Variants in MLLT10 observed in about 807,000 individuals in gnomAD.
MLLT10 encodes MLLT10 histone lysine methyltransferase DOT1L cofactor.
Under a neutral mutation model 129.1 loss-of-function variants are expected in MLLT10, and 30 were observed. The observed-to-expected ratio is 0.23, with a 90% confidence interval of 0.17 to 0.32. The LOEUF (loss-of-function observed/expected upper bound fraction) is 0.32. Among genes scored for constraint, MLLT10 ranks in the 10% least tolerant of loss-of-function variants. The probability of loss-of-function intolerance (pLI) is 1.00; values close to 1 mark genes in which losing one functional copy is unlikely to be tolerated. For missense variants in MLLT10, 1,119 were observed against 1,268.3 expected (o/e 0.88, Z 1.79); for synonymous variants, 490 against 446.4 (o/e 1.10, Z -1.23).
At chr10:21,732,806 T>C in intron 17 of MLLT10, 93 bp from the exon 18 acceptor site, 1 of 1,016,790 alleles carries the variant, frequency 9.8e-7, no homozygotes, top group African/African-American at 1.6e-5. Context: ...ACTGTTCTAT[T>C]TTAACTTATT....
rs762737998 is a variant in MLLT10, at chr10:21,713,927, G to A, written c.1855G>A (p.Ala619Thr). 6.2e-7 allele frequency: 1 copy of A among 1,612,670 alleles called. No individual in the cohort carries two copies. The highest frequency in any genetic ancestry group is 2.2e-5 in the East Asian group (1 of 44,824). ...CTCTCCCTCAGCTGTGTCATCTGCAGCCCCTGCTGTTGCTACAACTCAGGT... is the reference window on the plus strand; with the variant it reads ...CTCTCCCTCAGCTGTGTCATCTGCAACCCCTGCTGTTGCTACAACTCAGGT... ...ALSPSAVSSA[A>T]PAVATTQANT... The change falls in exon 14 of 23, where the codon GCC becomes ACC. Residue 619 changes from alanine (A) to threonine (T), a missense_variant. Transcript: ENST00000307729.
intron 14 of MLLT10, among the ~76,000 whole-genome samples, chr10:21,718,010 A>C (rs535381572): frequency 1.3e-5 from 2 of 150,282 alleles, no homozygotes; most frequent in Non-Finnish European, 3.0e-5. Flanking sequence ...ACGCCTGGCT[A>C]ATTTTTGTAT....
rs559436323 is a variant in MLLT10 at position 21,651,877 on chromosome 10, A to G, written c.795+109A>G. 63 of 482,182 alleles carry G rather than the reference A, an allele frequency of 1.3e-4. 1 individual carries two copies. The South Asian group carries it at 2.2e-3, about 17-fold the overall frequency. 29.9% of individuals were successfully genotyped at this position (482,182 alleles called of 1,614,324 possible). A position where few individuals can be genotyped will look rare whatever the true frequency, so the allele number is the denominator to read the frequency against. ...TAACTTTTCCCAGCTTTTCAACCAC[A>G]TATCAGGCACTTAGAATTCTCATTT... On this transcript the variant is annotated intron_variant, in intron 9 of 22. Coordinates refer to ENST00000307729, the MANE Select transcript of MLLT10 (RefSeq NM_001195626.3).
intron 13 of MLLT10, chr10:21,708,563 T>A: frequency 1.0e-6 from 1 of 983,864 alleles, no homozygotes; most frequent in Non-Finnish European, 1.2e-6. Flanking sequence ...CTGTTTTTTT[T>A]GTGTGTGTGT....
At chr10:21,741,828 A>T in intron 22 of MLLT10, 111 bp from the exon 23 acceptor site, 1 of 1,156,192 alleles carries the variant, frequency 8.6e-7, no homozygotes, top group African/African-American at 1.5e-5. Flanking sequence ...CTTGCAAGAA[A>T]AAAGGGAGTA....
At chr10:21,678,199 A>T (rs555463237) in intron 11 of MLLT10, among the ~76,000 whole-genome samples, 1 of 152,020 alleles carries the variant, frequency 6.6e-6, no homozygotes, top group South Asian at 2.1e-4. Context: ...CTGCCTCCCG[A>T]GTTAAAGCAG....
rs937233607 is a variant in MLLT10, at chr10:21,663,691, A to G, written c.796-6758A>G. 3.9e-5 allele frequency among the ~76,000 whole-genome samples: 6 copies of G among 152,120 alleles called. No individual in the cohort carries two copies. The South Asian group carries it at 6.2e-4, about 16-fold the overall frequency. On this transcript the variant is annotated intron_variant, in intron 9 of 22. Transcript: ENST00000307729. ...ACCATTTTCCTGCCTCAGCCTCCCG[A>G]ATAGCTGGGACTACAGACGCCTGCC...
Position 21,534,629 on chromosome 10 carries a change from C to A in MLLT10, c.1-16C>A. ...CTTGCATGTGTTTTTTAATGGTCCC[C>A]CCAACTCCCTCTTAGATGGTCTCTA... On this transcript the variant is annotated splice_polypyrimidine_tract_variant and intron_variant, in intron 1 of 22. Transcript: ENST00000307729. 6.2e-7 allele frequency: 1 copy of A among 1,600,040 alleles called. No homozygotes were observed. Among genetic ancestry groups the A allele is most frequent in the Non-Finnish European group, 8.5e-7 (1 of 1,172,348 alleles).
At chr10:21,741,908 C>G (rs138711023) in intron 22 of MLLT10, 31 bp from the exon 23 acceptor site, 1 of 1,600,322 alleles carries the variant, frequency 6.2e-7, no homozygotes, top group African/African-American at 1.3e-5. Flanking sequence ...GTTGATTTAG[C>G]TAACGCATCT....
chr10:21,651,903 CTTTTTTTTTTTTT>C (rs775460288), intron 9 of MLLT10, 135 bp downstream of exon 9: 98 of 133,768 alleles, frequency 7.3e-4, no homozygotes, highest in East Asian at 2.1e-3. Flanking sequence ...ATTCTCATTT[CTTTTTTTTTTTTT>C]TTTTTTTTTT....
At chr10:21,539,288 GAAA>G (rs968881853) in intron 3 of MLLT10, among the ~76,000 whole-genome samples, 2 of 151,922 alleles carry the variant, frequency 1.3e-5, no homozygotes, top group Non-Finnish European at 2.9e-5. Flanking sequence ...TGTGTAATGG[GAAA>G]AAAACCCAAT....
intron 8 of MLLT10, chr10:21,624,937 C>T (rs1194475220): frequency 3.8e-6 from 5 of 1,310,192 alleles, no homozygotes; most frequent in Non-Finnish European, 5.3e-6. Context: ...GGAGGTGGTG[C>T]TCCCCTCCCC....
intron 11 of MLLT10, among the ~76,000 whole-genome samples, chr10:21,675,348 TC>T (rs2051978895): frequency 2.0e-5 from 3 of 152,160 alleles, no homozygotes; most frequent in African/African-American, 7.2e-5. Context: ...GAATCCCCAG[TC>T]CCTGCCCCCT....
At chr10:21,676,208 T>A (rs1294565063) in intron 11 of MLLT10, among the ~76,000 whole-genome samples, 1 of 151,776 alleles carries the variant, frequency 6.6e-6, no homozygotes, top group African/African-American at 2.4e-5. Context: ...GGTGGGTGGA[T>A]CACGAGGTCA....
chr10:21,685,131 T>C (rs1225703148), intron 13 of MLLT10, among the ~76,000 whole-genome samples: 4 of 152,202 alleles, frequency 2.6e-5, no homozygotes, highest in Admixed American at 2.0e-4. Flanking sequence ...TTGTGAAATA[T>C]ATCTTAGTCA....
rs557599353 is a variant in MLLT10 at position 21,576,367 on chromosome 10, C to T, written c.241-9927C>T. 2.2e-3 allele frequency among the ~76,000 whole-genome samples: 330 copies of T among 151,848 alleles called. 3 individuals are homozygous for T. The highest frequency in any genetic ancestry group is 7.5e-3 in the African/African-American group (312 of 41,418). On this transcript the variant is annotated intron_variant, in intron 3 of 22. Coordinates refer to ENST00000307729, the MANE Select transcript of MLLT10 (RefSeq NM_001195626.3). Reference sequence around the variant, plus strand: ...ACGCCATTCTCCTGCCTCAGCCTCCCGAGTAGCTGGGACTACAGGCACCCG... The same window carrying T: ...ACGCCATTCTCCTGCCTCAGCCTCCTGAGTAGCTGGGACTACAGGCACCCG...
chr10:21,669,235 C>T (rs1054083884), intron 9 of MLLT10, among the ~76,000 whole-genome samples: 2 of 151,930 alleles, frequency 1.3e-5, no homozygotes, highest in Non-Finnish European at 2.9e-5. Context: ...GTTATTGGCA[C>T]TGAGATGATG....
intron 8 of MLLT10, among the ~76,000 whole-genome samples, chr10:21,618,575 T>A (rs578115462): frequency 2.0e-5 from 3 of 152,108 alleles, no homozygotes; most frequent in African/African-American, 7.2e-5. Context: ...ACTTAAGTAG[T>A]TTTGAGAGTA....
At chr10:21,636,323 A>G (rs916605566) in intron 8 of MLLT10, among the ~76,000 whole-genome samples, 76 of 151,990 alleles carry the variant, frequency 5.0e-4, no homozygotes, top group African/African-American at 1.8e-3. Context: ...GAGTCTCCCT[A>G]TGTTGCTTAG....
Sources: gnomAD v4.1 joint callset for allele counts (sites outside exome capture counted in the v4.1 genomes callset) on GRCh38, gnomAD v4.1.1 for gene constraint, MANE v1.5 for transcripts, NCBI Gene and HGNC (gene_info 2026-07-23, HGNC 2026-07-21) for gene names.